Variants in AKAIN1 observed in about 807,000 individuals in gnomAD.
AKAIN1 encodes the protein A-kinase anchor inhibitor 1.
A neutral mutation model predicts 3.7 loss-of-function variants in AKAIN1; 3 were observed. The ratio of observed to expected loss-of-function variants is 0.82; its 90% confidence interval spans 0.37 to 2.12. AKAIN1 has a LOEUF of 2.12. Among genes scored for constraint, AKAIN1 ranks in the 30% most tolerant of loss-of-function variants. The pLI, the probability that AKAIN1 is intolerant of heterozygous loss-of-function variation, is 0.06. For synonymous variants in AKAIN1, 31 were observed against 30.8 expected, an observed-to-expected ratio of 1.01 and a Z score of -0.02; for missense variants, 82 against 82.7, an observed-to-expected ratio of 0.99 and a Z score of 0.03.
chr18:5,189,855 A>T (rs1394415456), intron 1 of AKAIN1, among the ~76,000 whole-genome samples: 2 of 151,762 alleles, frequency 1.3e-5, no homozygotes. Context: ...TCCAGCTCCT[A>T]CTCATTACTC....
intron 1 of AKAIN1, among the ~76,000 whole-genome samples, chr18:5,172,294 A>G (rs2071202079): frequency 6.6e-6 from 1 of 152,130 alleles, no homozygotes; most frequent in Non-Finnish European, 1.5e-5. Context: ...TACATTTTAA[A>G]ATAAGAATAT....
At chr18:5,161,274 A>G (rs1006069625) in intron 1 of AKAIN1, among the ~76,000 whole-genome samples, 5 of 152,130 alleles carry the variant, frequency 3.3e-5, no homozygotes, top group African/African-American at 1.2e-4. Flanking sequence ...TGTTAAATTT[A>G]TTCCAAGATA....
intron 1 of AKAIN1, among the ~76,000 whole-genome samples, chr18:5,155,130 C>T (rs965705312): frequency 1.3e-5 from 2 of 152,092 alleles, no homozygotes; most frequent in East Asian, 1.9e-4. Flanking sequence ...AAGTAATCTG[C>T]CCACCTCAGC....
intron 1 of AKAIN1, among the ~76,000 whole-genome samples, chr18:5,150,647 C>G (rs1474700579): frequency 6.6e-6 from 1 of 152,166 alleles, no homozygotes; most frequent in Non-Finnish European, 1.5e-5. Flanking sequence ...CCCAGTGCTC[C>G]CCCATGGGGA....
Position 5,161,184 on chromosome 18 carries a change from A to G in AKAIN1, c.17-15429T>C, listed in dbSNP as rs183159666. On this transcript the variant is annotated intron_variant, in intron 1 of 1. Transcript: ENST00000434239. ...TTTCCATATTTTGTTCTTCGGCTCC[A>G]TGTCCATAGTGTATCTCTCTATTTA... Among the ~76,000 whole-genome samples, 3 of 152,178 alleles carry G rather than the reference A, an allele frequency of 2.0e-5. No individual in the cohort carries two copies. In the East Asian group the frequency reaches 5.8e-4, roughly 29 times the overall value.
intron 1 of AKAIN1, among the ~76,000 whole-genome samples, chr18:5,177,886 AG>A (rs2071235037): frequency 6.6e-6 from 1 of 152,140 alleles, no homozygotes; most frequent in Admixed American, 6.5e-5. Flanking sequence ...GAACATCAAA[AG>A]CTGCTTAGAA....
intron 1 of AKAIN1, among the ~76,000 whole-genome samples, chr18:5,160,400 C>T (rs1293777052): frequency 6.6e-6 from 1 of 152,056 alleles, no homozygotes; most frequent in Admixed American, 6.6e-5. Context: ...ATGAGGTACC[C>T]GTTTAAGTTA....
intron 1 of AKAIN1, among the ~76,000 whole-genome samples, chr18:5,169,549 T>C (rs900329653): frequency 6.6e-6 from 1 of 152,044 alleles, no homozygotes; most frequent in Admixed American, 6.6e-5. Flanking sequence ...ACAATTGGCA[T>C]AGGAGTTGAA....
At chr18:5,172,522 C>T (rs16947817) in intron 1 of AKAIN1, among the ~76,000 whole-genome samples, 4,922 of 152,022 alleles carry the variant, frequency 0.032, 207 homozygotes, top group African/African-American at 0.089. Context: ...TGTGGCATTG[C>T]AATGTGCATC....
intron 1 of AKAIN1, among the ~76,000 whole-genome samples, chr18:5,187,183 G>C (rs907392011): frequency 1.3e-5 from 2 of 152,080 alleles, no homozygotes; most frequent in Admixed American, 6.5e-5. Context: ...AAATAATAAA[G>C]AGCAGGAATC....
intron 1 of AKAIN1, among the ~76,000 whole-genome samples, chr18:5,178,575 G>T (rs1253812414): frequency 6.6e-6 from 1 of 152,144 alleles, no homozygotes; most frequent in Non-Finnish European, 1.5e-5. Flanking sequence ...ATGATCATTT[G>T]TTCATTCATT....
intron 1 of AKAIN1, among the ~76,000 whole-genome samples, chr18:5,194,033 C>T (rs1477012203): frequency 6.6e-6 from 1 of 152,028 alleles, no homozygotes; most frequent in African/African-American, 2.4e-5. Flanking sequence ...AGCAAGAGGC[C>T]TCATTTTAGT....
chr18:5,155,902 A>G (rs959475169), intron 1 of AKAIN1, among the ~76,000 whole-genome samples: 1 of 151,982 alleles, frequency 6.6e-6, no homozygotes, highest in Non-Finnish European at 1.5e-5. Context: ...CATCGGAGGT[A>G]AGAAGATAGG....
intron 1 of AKAIN1, among the ~76,000 whole-genome samples, chr18:5,167,851 C>T (rs56971261): frequency 0.032 from 4,844 of 152,156 alleles, 244 homozygotes; most frequent in African/African-American, 0.11. Flanking sequence ...GCTGCTGCTG[C>T]AATAGCTAAT....
intron 1 of AKAIN1, among the ~76,000 whole-genome samples, chr18:5,185,018 A>G (rs770353599): frequency 1.3e-5 from 2 of 152,152 alleles, no homozygotes; most frequent in Non-Finnish European, 2.9e-5. Flanking sequence ...ATGGAACAGA[A>G]TAGAGAGCCC....
At chr18:5,194,805 C>G (rs1299645165) in intron 1 of AKAIN1, among the ~76,000 whole-genome samples, 2 of 152,176 alleles carry the variant, frequency 1.3e-5, no homozygotes, top group Non-Finnish European at 2.9e-5. Flanking sequence ...GATCTTAGCA[C>G]ATGACCCTGT....
intron 1 of AKAIN1, among the ~76,000 whole-genome samples, chr18:5,157,171 C>T (rs1006141910): frequency 2.0e-5 from 3 of 152,058 alleles, no homozygotes; most frequent in African/African-American, 7.2e-5. Flanking sequence ...TGTTTGGAGT[C>T]ACACACGGGA....
Position 5,194,160 on chromosome 18 carries a change from C to A in AKAIN1, c.16+2878G>T, listed in dbSNP as rs73943146. 4.7e-3 allele frequency among the ~76,000 whole-genome samples: 720 copies of A among 152,144 alleles called. 5 individuals are homozygous for A. Among genetic ancestry groups the A allele is most frequent in the African/African-American group, 0.016 (667 of 41,478 alleles). ...TACCTCATTTAACTGTTAATAATTT[C>A]GTATAGTTCCTTTAGACAGAAGCAT... On this transcript the variant is annotated intron_variant, in intron 1 of 1. Coordinates refer to ENST00000434239, the MANE Select transcript of AKAIN1 (RefSeq NM_001145194.2).
chr18:5,169,534 C>T (rs1320804599), intron 1 of AKAIN1, among the ~76,000 whole-genome samples: 1 of 151,986 alleles, frequency 6.6e-6, no homozygotes, highest in African/African-American at 2.4e-5. Flanking sequence ...TCCAAAAATC[C>T]AAGCACAATT....
Sources: gnomAD v4.1 joint callset for allele counts (sites outside exome capture counted in the v4.1 genomes callset) on GRCh38, gnomAD v4.1.1 for gene constraint, MANE v1.5 for transcripts, NCBI Gene and HGNC (gene_info 2026-07-23, HGNC 2026-07-21) for gene names.